The following NUBPL variants were observed in gnomAD, a reference collection of about 807,000 sequenced individuals.
NUBPL encodes the protein iron-sulfur cluster transfer protein NUBPL.
In NUBPL, 31 loss-of-function variants were observed where a neutral mutation model predicts 45.7. The observed-to-expected ratio is 0.68, with a 90% confidence interval of 0.51 to 0.92. The LOEUF (loss-of-function observed/expected upper bound fraction) is 0.92. NUBPL is among the 40% of genes least tolerant of loss of function. NUBPL has a pLI of 0.00. For missense variants in NUBPL, 401 were observed against 398.7 expected (o/e 1.01, Z -0.05); for synonymous variants, 144 against 140.9 (o/e 1.02, Z -0.15).
intron 4 of NUBPL, among the ~76,000 whole-genome samples, chr14:31,670,757 G>C (rs1015991983): frequency 6.6e-6 from 1 of 152,108 alleles, no homozygotes; most frequent in Admixed American, 6.5e-5. Flanking sequence ...GTTTTTGTCA[G>C]CTTTATTGAA....
intron 6 of NUBPL, among the ~76,000 whole-genome samples, chr14:31,740,050 C>T (rs2038250422): frequency 6.6e-6 from 1 of 152,158 alleles, no homozygotes; most frequent in Non-Finnish European, 1.5e-5. Flanking sequence ...TTTATCTAGC[C>T]ACCCACTGAA....
intron 6 of NUBPL, among the ~76,000 whole-genome samples, chr14:31,751,852 C>T (rs574947969): frequency 7.2e-6 from 1 of 139,816 alleles, no homozygotes; most frequent in Non-Finnish European, 1.6e-5. Flanking sequence ...CATACATCCT[C>T]TGAAACTTAG....
chr14:31,706,326 GAA>G (rs2037451604), intron 6 of NUBPL, among the ~76,000 whole-genome samples: 1 of 152,206 alleles, frequency 6.6e-6, no homozygotes, highest in East Asian at 1.9e-4. Flanking sequence ...GTCCTCGGTA[GAA>G]GTTGTTAGTT....
At chr14:31,577,035 G>A (rs1325704650) in intron 3 of NUBPL, among the ~76,000 whole-genome samples, 1 of 152,150 alleles carries the variant, frequency 6.6e-6, no homozygotes, top group African/African-American at 2.4e-5. Context: ...CCTTGCCTTG[G>A]TAGTCAGGCT....
chr14:31,582,397 T>TC (rs1390412863), intron 3 of NUBPL, among the ~76,000 whole-genome samples: 1 of 150,940 alleles, frequency 6.6e-6, no homozygotes, highest in Non-Finnish European at 1.5e-5. Flanking sequence ...TTTTTTTTTT[T>TC]TTTTTTAACA....
chr14:31,618,795 T>C (rs2034979800), intron 4 of NUBPL, among the ~76,000 whole-genome samples: 2 of 152,168 alleles, frequency 1.3e-5, no homozygotes, highest in African/African-American at 4.8e-5. Flanking sequence ...TTAGGTCTGC[T>C]TGGTCCTAAC....
chr14:31,729,498 A>C (rs1197038467), intron 6 of NUBPL, among the ~76,000 whole-genome samples: 1 of 152,166 alleles, frequency 6.6e-6, no homozygotes, highest in African/African-American at 2.4e-5. Context: ...AGAAACCTAC[A>C]TTTGAATGTA....
chr14:31,637,434 T>C (rs904398396), intron 4 of NUBPL, among the ~76,000 whole-genome samples: 13 of 152,342 alleles, frequency 8.5e-5, no homozygotes, highest in Admixed American at 8.5e-4. Context: ...TCTAGTTTGA[T>C]TGCACTGTGG....
At chr14:31,752,261 C>T (rs559851319) in intron 6 of NUBPL, among the ~76,000 whole-genome samples, 3 of 152,162 alleles carry the variant, frequency 2.0e-5, no homozygotes, top group Non-Finnish European at 4.4e-5. Flanking sequence ...ATTTTCTAAA[C>T]TCTTGTGCCC....
intron 6 of NUBPL, among the ~76,000 whole-genome samples, chr14:31,687,412 A>G (rs2036978749): frequency 6.6e-6 from 1 of 152,218 alleles, no homozygotes; most frequent in Non-Finnish European, 1.5e-5. Context: ...TAAAAGTTAA[A>G]ATTTATCAAA....
chr14:31,634,823 A>G (rs1204903335), intron 4 of NUBPL, among the ~76,000 whole-genome samples: 21 of 150,086 alleles, frequency 1.4e-4, no homozygotes, highest in Non-Finnish European at 2.8e-4. Context: ...TTTGATTTGC[A>G]TTTCTCTGAT....
At chr14:31,655,032 T>G (rs904496293) in intron 4 of NUBPL, among the ~76,000 whole-genome samples, 1 of 152,204 alleles carries the variant, frequency 6.6e-6, no homozygotes, top group African/African-American at 2.4e-5. Flanking sequence ...TTGCAGCAAT[T>G]AAGTCCCATC....
At chr14:31,757,572 G>A (rs2038697867) in intron 6 of NUBPL, among the ~76,000 whole-genome samples, 1 of 152,082 alleles carries the variant, frequency 6.6e-6, no homozygotes, top group South Asian at 2.1e-4. Context: ...ATATTTTAGA[G>A]TTACGTTGCT....
intron 7 of NUBPL, among the ~76,000 whole-genome samples, chr14:31,818,920 A>G (rs1191635767): frequency 6.6e-6 from 1 of 152,198 alleles, no homozygotes; most frequent in Non-Finnish European, 1.5e-5. Flanking sequence ...TAAATTAATA[A>G]AACATTCTCT....
intron 7 of NUBPL, among the ~76,000 whole-genome samples, chr14:31,812,873 G>A (rs918701136): frequency 3.3e-5 from 5 of 152,098 alleles, no homozygotes; most frequent in African/African-American, 7.2e-5. Context: ...AGATATGCAC[G>A]ACAGAGCTGT....
intron 3 of NUBPL, among the ~76,000 whole-genome samples, chr14:31,567,103 G>C (rs1248000189): frequency 6.6e-6 from 1 of 152,032 alleles, no homozygotes; most frequent in Admixed American, 6.6e-5. Flanking sequence ...CTAGATTCTA[G>C]TTAACTATAA....
At chr14:31,849,340 T>C (rs6571470) in intron 9 of NUBPL, among the ~76,000 whole-genome samples, 73,557 of 151,770 alleles carry the variant, frequency 0.48, 21,921 homozygotes, top group African/African-American at 0.85. Context: ...CGCTTAAGAC[T>C]CCACTCACTG....
In NUBPL at chr14:31,703,516, G is replaced by A. The variant is rs1213946120; in HGVS notation, c.513+29942G>A. Among the ~76,000 whole-genome samples, 3 of 152,138 alleles carry A rather than the reference G, an allele frequency of 2.0e-5. No individual in the cohort carries two copies. In the East Asian group the frequency reaches 5.8e-4, roughly 29 times the overall value. ...AAACTTACAGATCCACATGCCTGGG[G>A]AGGCCTCACAATCATGGCAGAAGGC... On this transcript the variant is annotated intron_variant, in intron 6 of 10. Coordinates refer to ENST00000281081, the MANE Select transcript of NUBPL (RefSeq NM_025152.3).
chr14:31,587,034 G>GAAGTA (rs1189860588), intron 3 of NUBPL, among the ~76,000 whole-genome samples: 1 of 152,132 alleles, frequency 6.6e-6, no homozygotes, highest in African/African-American at 2.4e-5. Flanking sequence ...GAGGCAGCTG[G>GAAGTA]AAGTAGTACA....
Sources: allele counts gnomAD v4.1 joint callset (sites outside exome capture counted in the v4.1 genomes callset), GRCh38; gene constraint gnomAD v4.1.1; transcripts MANE v1.5; gene names NCBI Gene and HGNC (gene_info 2026-07-23, HGNC 2026-07-21).